SCNN1B: variants seen among roughly 807,000 people sequenced by gnomAD.
The protein encoded by SCNN1B is epithelial sodium channel subunit beta.
In SCNN1B, 46 loss-of-function variants were observed where a neutral mutation model predicts 65.3. The ratio of observed to expected loss-of-function variants is 0.70; its 90% confidence interval spans 0.56 to 0.90. SCNN1B has a LOEUF of 0.90. Ranked by LOEUF, SCNN1B falls within the 40% of genes least tolerant of loss-of-function variation. The probability of loss-of-function intolerance (pLI) is 0.00; values close to 1 mark genes in which losing one functional copy is unlikely to be tolerated. For synonymous variants in SCNN1B, 349 were observed against 330.6 expected (o/e 1.06, Z -0.60); for missense variants, 751 against 830.5 (o/e 0.90, Z 1.18).
Position 23,378,555 on chromosome 16 carries a change from C to T in SCNN1B, c.1405-151C>T, listed in dbSNP as rs138743504. ...AGAACAGCAGCCACAGCTTCCACTA[C>T]GACCTTCCTCCTGCTCCTCATCCAA... On this transcript the variant is annotated intron_variant, in intron 10 of 12. Transcript: ENST00000343070. The T allele has an allele frequency of 2.3e-4, 171 of 737,346 alleles. 1 individual carries two copies. In the Middle Eastern group the frequency reaches 4.8e-3, roughly 21 times the overall value. 45.7% of individuals were successfully genotyped at this position (737,346 alleles called of 1,614,324 possible). A position where few individuals can be genotyped will look rare whatever the true frequency, so the allele number is the denominator to read the frequency against.
intron 2 of SCNN1B, among the ~76,000 whole-genome samples, chr16:23,292,146 G>C (rs1439598497): frequency 6.7e-6 from 1 of 150,000 alleles, no homozygotes; most frequent in Non-Finnish European, 1.5e-5. Context: ...TTCATTCTCA[G>C]CAATCCCTTT....
chr16:23,369,822 C>T (rs1156941138), intron 5 of SCNN1B, among the ~76,000 whole-genome samples: 2 of 152,240 alleles, frequency 1.3e-5, no homozygotes, highest in Non-Finnish European at 2.9e-5. Flanking sequence ...ACTGGAAGAC[C>T]TCAGACAAGT....
rs368058787 is a variant in SCNN1B at position 23,333,157 on chromosome 16, G to T, written c.-8-15435G>T. Among the ~76,000 whole-genome samples, 359 of 100,792 alleles carry T rather than the reference G, an allele frequency of 3.6e-3. 3 individuals carry two copies. The highest frequency in any genetic ancestry group is 0.015 in the African/African-American group (347 of 23,290). The allele number at this position is 100,792 out of a possible 152,430, so 66.1% of individuals were successfully genotyped here. A position where few individuals can be genotyped will look rare whatever the true frequency, so the allele number is the denominator to read the frequency against. On this transcript the variant is annotated intron_variant, in intron 1 of 12. Transcript: ENST00000343070. ...AGGGAGGAAGGAAGGAAAGAAGGAAGGAAGGAAGGAAGGAAGGAAGGAAGG... is the reference window on the plus strand; with the variant it reads ...AGGGAGGAAGGAAGGAAAGAAGGAATGAAGGAAGGAAGGAAGGAAGGAAGG...
chr16:23,293,114 C>CAA (rs1191618996), intron 2 of SCNN1B, among the ~76,000 whole-genome samples: 1,408 of 34,130 alleles, frequency 0.041, 243 homozygotes, highest in African/African-American at 0.097. Context: ...GACTCATTCT[C>CAA]AAAAAAAAAA....
chr16:23,331,634 A>G (rs1403251583), intron 1 of SCNN1B, among the ~76,000 whole-genome samples: 2 of 152,060 alleles, frequency 1.3e-5, no homozygotes, highest in Admixed American at 1.3e-4. Flanking sequence ...GGTCACTTTT[A>G]TAAGTACACT....
Position 23,367,957 on chromosome 16 carries a change from T to A in SCNN1B, c.878T>A (p.Phe293Tyr), listed in dbSNP as rs760398998. Residue 293 changes from phenylalanine to tyrosine, a missense_variant and splice_region_variant, in exon 5 of 13, where the codon TTC (phenylalanine) becomes TAC (tyrosine). Phe to Tyr is a conservative substitution (Grantham distance 22). Transcript: ENST00000343070. ...CCTTCGGCCAACCCTGGAACTGAAT[T>A]CGGTGAGTTTTGGTTTATCGTGGGG... Reference protein sequence around the residue: ...ALPSANPGTEFGLKLILDIGQ... With the variant: ...ALPSANPGTEYGLKLILDIGQ... 3.1e-6 allele frequency: 5 copies of A among 1,612,206 alleles called. No homozygotes were observed. In the Admixed American group the frequency reaches 8.3e-5, roughly 27 times the overall value.
chr16:23,338,158 T>C (rs935565684), intron 1 of SCNN1B, among the ~76,000 whole-genome samples: 9 of 152,354 alleles, frequency 5.9e-5, no homozygotes, highest in Non-Finnish European at 8.8e-5. Flanking sequence ...TAAGAAGCCC[T>C]GGTTCTTTTA....
intron 1 of SCNN1B, among the ~76,000 whole-genome samples, chr16:23,323,159 C>G (rs143914415): frequency 0.01 from 1,560 of 151,770 alleles, 37 homozygotes; most frequent in African/African-American, 0.035. Context: ...GATCACAGCA[C>G]TGCACTCCAG....
chr16:23,303,853 A>G, intron 1 of SCNN1B: 1 of 590,758 alleles, frequency 1.7e-6, no homozygotes, highest in Non-Finnish European at 3.1e-6. Context: ...CAGGAGGTGG[A>G]GGTTGCAGTG....
chr16:23,278,762 C>A (rs1960741665), intron 1 of SCNN1B, among the ~76,000 whole-genome samples: 1 of 151,684 alleles, frequency 6.6e-6, no homozygotes, highest in Non-Finnish European at 1.5e-5. Flanking sequence ...GACCCCCCCA[C>A]CCCTCACATC....
intron 2 of SCNN1B, among the ~76,000 whole-genome samples, chr16:23,290,327 A>C (rs1379684206): frequency 6.6e-6 from 1 of 152,010 alleles, no homozygotes; most frequent in Non-Finnish European, 1.5e-5. Flanking sequence ...TTTCTTTTGG[A>C]GTCAGGGTTT....
intron 1 of SCNN1B, among the ~76,000 whole-genome samples, chr16:23,347,703 T>TTTGA (rs1278486001): frequency 1.3e-5 from 2 of 151,822 alleles, no homozygotes; most frequent in African/African-American, 4.8e-5. Flanking sequence ...AGCTCAGGAG[T>TTTGA]TTGAGACCAG....
At chr16:23,360,205 T>TA (rs879450862) in intron 4 of SCNN1B, among the ~76,000 whole-genome samples, 1,359 of 132,500 alleles carry the variant, frequency 0.01, 10 homozygotes, top group Middle Eastern at 0.022. Context: ...CTCAAAAAAA[T>TA]AAATAAATAA....
At chr16:23,286,967 T>TAGATGTTGTTGTTGTTGC in intron 2 of SCNN1B, among the ~76,000 whole-genome samples, 3 of 151,474 alleles carry the variant, frequency 2.0e-5, no homozygotes, top group African/African-American at 7.3e-5. Context: ...GTTGTTGTTG[T>TAGATGTTGTTGTTGTTGC]TGATGTTGTT....
chr16:23,315,906 C>G (rs1004259004), intron 1 of SCNN1B, among the ~76,000 whole-genome samples: 1 of 152,148 alleles, frequency 6.6e-6, no homozygotes, highest in African/African-American at 2.4e-5. Context: ...CCATCACCAT[C>G]ATCATCACCA....
chr16:23,379,757 G>T (rs1322446640), intron 11 of SCNN1B, among the ~76,000 whole-genome samples: 1 of 152,196 alleles, frequency 6.6e-6, no homozygotes, highest in Admixed American at 6.5e-5. Flanking sequence ...GTCCTGTAGG[G>T]AACTGGTAGT....
Position 23,319,281 on chromosome 16 carries a change from C to T in SCNN1B, c.-9+16844C>T, listed in dbSNP as rs140864662. 3.9e-5 allele frequency among the ~76,000 whole-genome samples: 6 copies of T among 152,204 alleles called. No individual in the cohort carries two copies. The East Asian group carries it at 1.2e-3, about 29-fold the overall frequency. On this transcript the variant is annotated intron_variant, in intron 1 of 12. Coordinates refer to ENST00000343070, the MANE Select transcript of SCNN1B (RefSeq NM_000336.3). Reference sequence around the variant, plus strand: ...GGTCTCAGTCTTAATCTCCTGACCTCGTGATCCACCTGCCTCGGCCTCCCA... The same window carrying T: ...GGTCTCAGTCTTAATCTCCTGACCTTGTGATCCACCTGCCTCGGCCTCCCA...
At chr16:23,353,947 G>T (rs1241317822) in intron 3 of SCNN1B, among the ~76,000 whole-genome samples, 1 of 152,204 alleles carries the variant, frequency 6.6e-6, no homozygotes, top group Non-Finnish European at 1.5e-5. Context: ...GCAGTTCTGG[G>T]CCCAGGCCCA....
intron 1 of SCNN1B, among the ~76,000 whole-genome samples, chr16:23,315,708 G>A (rs1317431188): frequency 2.0e-5 from 3 of 152,146 alleles, no homozygotes; most frequent in African/African-American, 7.2e-5. Context: ...GAAGGCTGAG[G>A]TGGGAGGATC....
Sources: allele counts gnomAD v4.1 joint callset (sites outside exome capture counted in the v4.1 genomes callset), GRCh38; gene constraint gnomAD v4.1.1; transcripts MANE v1.5; gene names NCBI Gene and HGNC (gene_info 2026-07-23, HGNC 2026-07-21).